The following SORCS1 variants were observed in gnomAD, a reference collection of about 807,000 sequenced individuals.
The protein encoded by SORCS1 is sortilin related VPS10 domain containing receptor 1.
In SORCS1, 60 loss-of-function variants were observed where a neutral mutation model predicts 146.1. The ratio of observed to expected loss-of-function variants is 0.41; its 90% CI spans 0.33 to 0.51. SORCS1 has a LOEUF of 0.51. SORCS1 is among the 20% of genes least tolerant of loss of function. SORCS1 has a pLI of 0.21. For missense variants in SORCS1, 1,352 were observed against 1,487.6 expected (o/e 0.91, Z 1.50); for synonymous variants, 637 against 584.0 (o/e 1.09, Z -1.31).
intron 1 of SORCS1, among the ~76,000 whole-genome samples, chr10:106,977,686 A>G (rs1253417888): frequency 1.3e-5 from 2 of 151,644 alleles, no homozygotes; most frequent in Non-Finnish European, 2.9e-5. Flanking sequence ...AAGCACCAGT[A>G]TATTTTCAGT....
intron 19 of SORCS1, among the ~76,000 whole-genome samples, chr10:106,620,998 C>T (rs942639921): frequency 2.7e-4 from 41 of 152,062 alleles, no homozygotes; most frequent in African/African-American, 8.5e-4. Flanking sequence ...TGTCATTACC[C>T]TTTATTATTT....
chr10:106,886,628 T>C (rs1262452598), intron 2 of SORCS1, among the ~76,000 whole-genome samples: 1 of 152,216 alleles, frequency 6.6e-6, no homozygotes, highest in South Asian at 2.1e-4. Context: ...ATGGATGTTA[T>C]TAAAGATCCT....
At chr10:106,956,997 T>G (rs558327142) in intron 1 of SORCS1, among the ~76,000 whole-genome samples, 40 of 152,304 alleles carry the variant, frequency 2.6e-4, no homozygotes, top group Non-Finnish European at 4.7e-4. Flanking sequence ...CCAATGTGCC[T>G]AGCTACCATC....
intron 1 of SORCS1, among the ~76,000 whole-genome samples, chr10:107,128,385 C>T (rs999195435): frequency 2.0e-5 from 3 of 152,180 alleles, no homozygotes; most frequent in Non-Finnish European, 4.4e-5. Flanking sequence ...AGTGACCTTT[C>T]ACAGTCGCTG....
At chr10:106,603,432 C>G (rs1037916347) in intron 23 of SORCS1, among the ~76,000 whole-genome samples, 6 of 152,356 alleles carry the variant, frequency 3.9e-5, no homozygotes, top group Admixed American at 3.9e-4. Flanking sequence ...AAGTACTTCT[C>G]ACTGTGAAGA....
chr10:106,917,784 A>T (rs1952516335), intron 2 of SORCS1, among the ~76,000 whole-genome samples: 1 of 152,182 alleles, frequency 6.6e-6, no homozygotes, highest in Admixed American at 6.5e-5. Flanking sequence ...CTGGGTTCTA[A>T]AGAGTCCCTC....
intron 2 of SORCS1, among the ~76,000 whole-genome samples, chr10:106,873,158 A>C (rs1482933533): frequency 6.7e-6 from 1 of 149,020 alleles, no homozygotes; most frequent in Non-Finnish European, 1.5e-5. Context: ...TGGGCAACAG[A>C]GTGAGAAACC....
At chr10:106,593,892 C>G (rs1238903959) in intron 24 of SORCS1, among the ~76,000 whole-genome samples, 1 of 152,172 alleles carries the variant, frequency 6.6e-6, no homozygotes. Flanking sequence ...CTTTTGCCAG[C>G]CCTTCTTCCC....
chr10:106,713,826 G>C (rs1349709901), intron 6 of SORCS1, among the ~76,000 whole-genome samples: 1 of 152,018 alleles, frequency 6.6e-6, no homozygotes, highest in Non-Finnish European at 1.5e-5. Flanking sequence ...GTATATTTTG[G>C]CTTCTATCTA....
At chr10:107,121,171 C>G (rs1400208367) in intron 1 of SORCS1, among the ~76,000 whole-genome samples, 1 of 152,168 alleles carries the variant, frequency 6.6e-6, no homozygotes, top group Non-Finnish European at 1.5e-5. Flanking sequence ...AAACTGCGGA[C>G]AGTACCACCT....
chr10:107,143,961 C>G (rs1968071664), intron 1 of SORCS1, among the ~76,000 whole-genome samples: 1 of 152,024 alleles, frequency 6.6e-6, no homozygotes, highest in Non-Finnish European at 1.5e-5. Context: ...TTGCAAGGCC[C>G]TTTTTTGTAA....
chr10:106,936,032 A>T (rs1160826439), intron 2 of SORCS1, among the ~76,000 whole-genome samples: 1 of 152,220 alleles, frequency 6.6e-6, no homozygotes, highest in African/African-American at 2.4e-5. Flanking sequence ...CTGAATGTTA[A>T]CTATTCTTTA....
At chr10:107,117,307 G>A (rs1012968548) in intron 1 of SORCS1, among the ~76,000 whole-genome samples, 3 of 152,228 alleles carry the variant, frequency 2.0e-5, no homozygotes, top group Admixed American at 2.0e-4. Context: ...CATGGGACCA[G>A]AGAGGTATAT....
At chr10:106,738,685 A>G (rs1269039295) in intron 5 of SORCS1, among the ~76,000 whole-genome samples, 1 of 152,230 alleles carries the variant, frequency 6.6e-6, no homozygotes, top group Admixed American at 6.5e-5. Context: ...ACTAGAGGGT[A>G]GAACAAATAT....
At chr10:107,178,738 A>G in the SORCS1 span, among the ~76,000 whole-genome samples, 2 of 152,116 alleles carry the variant, frequency 1.3e-5, no homozygotes, top group South Asian at 2.1e-4. Context: ...TTTGTCTACC[A>G]TGGCCTCCCA....
At chr10:106,739,775 C>A (rs927139780) in intron 5 of SORCS1, among the ~76,000 whole-genome samples, 2 of 151,740 alleles carry the variant, frequency 1.3e-5, no homozygotes, top group Admixed American at 1.3e-4. Context: ...TGTGGTGAAA[C>A]CCCGTCTCTA....
chr10:107,103,589 G>C (rs1322393301), intron 1 of SORCS1, among the ~76,000 whole-genome samples: 1 of 152,096 alleles, frequency 6.6e-6, no homozygotes, highest in East Asian at 1.9e-4. Context: ...CTGTGCTCTT[G>C]GTTCAATATG....
At chr10:107,094,738 A>G (rs1590122769) in intron 1 of SORCS1, among the ~76,000 whole-genome samples, 1 of 152,282 alleles carries the variant, frequency 6.6e-6, no homozygotes, top group East Asian at 1.9e-4. Context: ...AGGGAATGAT[A>G]AAGATATAGT....
chr10:106,929,350 G>T (rs1431861041), intron 2 of SORCS1, among the ~76,000 whole-genome samples: 1 of 152,002 alleles, frequency 6.6e-6, no homozygotes, highest in Non-Finnish European at 1.5e-5. Context: ...GTCACAAAAG[G>T]AAAGAAAGAA....
Sources: allele counts gnomAD v4.1 joint callset (sites outside exome capture counted in the v4.1 genomes callset), GRCh38; gene constraint gnomAD v4.1.1; transcripts MANE v1.5; gene names NCBI Gene and HGNC (gene_info 2026-07-23, HGNC 2026-07-21).